The following PCBD2 variants were observed in gnomAD, a reference collection of about 807,000 sequenced individuals.
PCBD2 encodes pterin-4 alpha-carbinolamine dehydratase 2, also known as pterin-4-alpha-carbinolamine dehydratase 2.
A neutral mutation model predicts 16.4 loss-of-function variants in PCBD2; 12 were observed. That is an observed-to-expected ratio of 0.73 (90% CI 0.47 to 1.19). The LOEUF (loss-of-function observed/expected upper bound fraction) is 1.19, where lower values mean the gene tolerates loss of function less well. Ranked by LOEUF, PCBD2 falls within the 50% of genes most tolerant of loss-of-function variation. The pLI is 0.00. For missense variants in PCBD2, 138 were observed against 156.8 expected, an observed-to-expected ratio of 0.88 and a Z score of 0.64; for synonymous variants, 58 against 61.8, an observed-to-expected ratio of 0.94 and a Z score of 0.29.
chr5:134,931,858 A>G (rs1165749852), intron 2 of PCBD2, among the ~76,000 whole-genome samples: 1 of 152,210 alleles, frequency 6.6e-6, no homozygotes, highest in Non-Finnish European at 1.5e-5. Flanking sequence ...TTGAAGAAAA[A>G]GATTGCCAGC....
At chr5:134,918,889 A>C (rs569659404) in intron 2 of PCBD2, among the ~76,000 whole-genome samples, 80 of 152,294 alleles carry the variant, frequency 5.3e-4, no homozygotes, top group Non-Finnish European at 7.9e-4. Context: ...AGAGCCTGAA[A>C]TGTTATCATT....
chr5:134,948,634 C>T (rs1355398892), intron 2 of PCBD2, among the ~76,000 whole-genome samples: 2 of 151,774 alleles, frequency 1.3e-5, no homozygotes, highest in Non-Finnish European at 2.9e-5. Context: ...GAAGATGGTA[C>T]CATGTCATTA....
At position 134,908,685 on chromosome 5, in the gene PCBD2, T is replaced by C. The variant is rs1304842059; in HGVS notation, c.85-1650T>C. On this transcript the variant is annotated intron_variant, in intron 1 of 3. Coordinates refer to ENST00000254908, the MANE Select transcript of PCBD2 (RefSeq NM_032151.5). The stretch of plus-strand genomic sequence containing the variant: ...GTCTCAAAAAAAAAAAAAAAAAAGG[T>C]ACTCTCATTCTTTCCTTTTGTTAGT... 5.4e-5 allele frequency: 8 copies of C among 148,162 alleles called. No individual in the cohort carries two copies. The East Asian group carries it at 1.6e-3, about 29-fold the overall frequency. The allele number at this position is 148,162 out of a possible 1,614,324, so 9.2% of individuals were successfully genotyped here.
intron 2 of PCBD2, among the ~76,000 whole-genome samples, chr5:134,916,416 CT>C (rs1285919370): frequency 3.3e-5 from 5 of 152,078 alleles, no homozygotes; most frequent in African/African-American, 1.2e-4. Flanking sequence ...TATGATTTTA[CT>C]TGGTTGGGTG....
At chr5:134,940,433 A>AT (rs1043977918) in intron 2 of PCBD2, among the ~76,000 whole-genome samples, 98 of 147,260 alleles carry the variant, frequency 6.7e-4, no homozygotes, top group East Asian at 6.1e-3. Flanking sequence ...CAGCATATAT[A>AT]TTTTTTTTTT....
intron 2 of PCBD2, among the ~76,000 whole-genome samples, chr5:134,917,311 C>T (rs1293820827): frequency 6.6e-6 from 1 of 152,204 alleles, no homozygotes; most frequent in Admixed American, 6.5e-5. Flanking sequence ...CCCCTTTCTG[C>T]CCCCCAGAAG....
intron 2 of PCBD2, among the ~76,000 whole-genome samples, chr5:134,929,863 T>A (rs59441256): frequency 0.2 from 31,045 of 152,030 alleles, 3,561 homozygotes; most frequent in Middle Eastern, 0.28. Flanking sequence ...GGCTAATTTT[T>A]AAAACATTTT....
intron 2 of PCBD2, among the ~76,000 whole-genome samples, chr5:134,931,896 G>T (rs1325694847): frequency 1.3e-5 from 2 of 152,218 alleles, no homozygotes; most frequent in African/African-American, 4.8e-5. Context: ...CTTGTAAATT[G>T]CTACATGGTT....
At chr5:134,916,120 C>A (rs972569903) in intron 2 of PCBD2, among the ~76,000 whole-genome samples, 4 of 152,142 alleles carry the variant, frequency 2.6e-5, no homozygotes, top group Non-Finnish European at 4.4e-5. Context: ...GAGACTCCAT[C>A]TCTACAAAAA....
chr5:134,957,547 G>GTC (rs899566148), intron 2 of PCBD2, among the ~76,000 whole-genome samples: 2 of 152,110 alleles, frequency 1.3e-5, no homozygotes, highest in Non-Finnish European at 2.9e-5. Context: ...TGCACCTGTA[G>GTC]TCCCAGCTCC....
At chr5:134,959,301 T>A (rs988501822) in intron 3 of PCBD2, among the ~76,000 whole-genome samples, 181 bp downstream of exon 3, 2 of 152,226 alleles carry the variant, frequency 1.3e-5, no homozygotes, top group African/African-American at 4.8e-5. Flanking sequence ...CTAAGAACAG[T>A]GAATAAGCTC....
chr5:134,953,733 G>A (rs1329693008), intron 2 of PCBD2, among the ~76,000 whole-genome samples: 3 of 152,050 alleles, frequency 2.0e-5, no homozygotes, highest in South Asian at 2.1e-4. Context: ...CCTGGGAGGC[G>A]GAGGTTGCAG....
chr5:134,937,741 C>G (rs1270136189), intron 2 of PCBD2, among the ~76,000 whole-genome samples: 1 of 152,240 alleles, frequency 6.6e-6, no homozygotes, highest in Non-Finnish European at 1.5e-5. Flanking sequence ...CCAGGGCCCA[C>G]TTTGGCTGCA....
intron 1 of PCBD2, chr5:134,905,427 A>G (rs776833115): frequency 1.6e-4 from 62 of 391,232 alleles, no homozygotes; most frequent in Non-Finnish European, 2.6e-4. Context: ...AGCCTCCGCC[A>G]CTTGCCCTTG....
intron 1 of PCBD2, among the ~76,000 whole-genome samples, chr5:134,907,209 T>A (rs1408969849): frequency 1.3e-5 from 2 of 152,260 alleles, no homozygotes; most frequent in African/African-American, 4.8e-5. Context: ...CAAAATTCTC[T>A]GAGTTGACAA....
intron 2 of PCBD2, among the ~76,000 whole-genome samples, chr5:134,932,159 C>A (rs1004358241): frequency 4.6e-5 from 7 of 152,078 alleles, no homozygotes; most frequent in Non-Finnish European, 8.8e-5. Flanking sequence ...TTCTGAGTTT[C>A]TTTAAACAAT....
At chr5:134,922,864 C>G (rs986681648) in intron 2 of PCBD2, among the ~76,000 whole-genome samples, 1 of 151,848 alleles carries the variant, frequency 6.6e-6, no homozygotes, top group African/African-American at 2.4e-5. Context: ...TTTTAGTAGA[C>G]ACGGGGTTTC....
At chr5:134,938,402 A>G (rs1489551323) in intron 2 of PCBD2, among the ~76,000 whole-genome samples, 1 of 152,190 alleles carries the variant, frequency 6.6e-6, no homozygotes, top group East Asian at 1.9e-4. Context: ...CTGAATGACC[A>G]TTTTTTGTTT....
At chr5:134,921,076 C>T (rs564144108) in intron 2 of PCBD2, among the ~76,000 whole-genome samples, 1 of 152,332 alleles carries the variant, frequency 6.6e-6, no homozygotes, top group South Asian at 2.1e-4. Flanking sequence ...CTGGCTGGGC[C>T]AGGAGTCACA....
Sources: allele counts gnomAD v4.1 joint callset (sites outside exome capture counted in the v4.1 genomes callset), GRCh38; gene constraint gnomAD v4.1.1; transcripts MANE v1.5; gene names NCBI Gene and HGNC (gene_info 2026-07-23, HGNC 2026-07-21).